KCTD7: variants seen among roughly 807,000 people sequenced by gnomAD.
The protein encoded by KCTD7 is BTB/POZ domain-containing protein KCTD7.
A neutral mutation model predicts 27.0 loss-of-function variants in KCTD7; 15 were observed. That is an observed-to-expected ratio of 0.56 (90% confidence interval 0.37 to 0.86). The LOEUF (loss-of-function observed/expected upper bound fraction) is 0.86, where lower values mean the gene tolerates loss of function less well. KCTD7 is among the 40% of genes least tolerant of loss of function. The pLI, the probability that KCTD7 is intolerant of heterozygous loss-of-function variation, is 0.00. For synonymous variants in KCTD7, 159 were observed against 162.7 expected (o/e 0.98, Z 0.17); for missense variants, 299 against 398.9 (o/e 0.75, Z 2.13).
intron 1 of KCTD7, 44 bp from the exon 2 acceptor site, chr7:66,633,231 C>A: frequency 6.2e-7 from 1 of 1,607,166 alleles, no homozygotes. Flanking sequence ...CCCCAGCTCT[C>A]ATTCCCCGTT....
intron 2 of KCTD7, among the ~76,000 whole-genome samples, chr7:66,634,140 A>ATATATG (rs1786524886): frequency 7.0e-6 from 1 of 141,912 alleles, no homozygotes; most frequent in African/African-American, 2.6e-5. Flanking sequence ...ATATATATGT[A>ATATATG]TATATATGAG....
rs1189295007 is a variant in KCTD7 at position 66,641,206 on chromosome 7, G to C, written c.*1974G>C. The C allele has an allele frequency of 1.0e-6, 1 of 985,288 alleles. No homozygotes were observed. The highest frequency in any genetic ancestry group is 1.7e-5 in the African/African-American group (1 of 57,214). 61.0% of individuals were successfully genotyped at this position (985,288 alleles called of 1,614,324 possible). A position where few individuals can be genotyped will look rare whatever the true frequency, so the allele number is the denominator to read the frequency against. On this transcript the variant is annotated 3_prime_UTR_variant, in exon 4 of 4. Transcript: ENST00000639828. ...TCTGGAGCTGATGTCCCTGCTTGGA[G>C]GTTAGCCCCAAAACATGGCTCTTGT...
chr7:66,628,952 C>T lies in KCTD7; in HGVS notation c.-113C>T, dbSNP rs758648043. 3.8e-5 allele frequency: 43 copies of T among 1,136,560 alleles called. No homozygotes were observed. Among genetic ancestry groups the T allele is most frequent in the Non-Finnish European group, 4.9e-5 (42 of 860,118 alleles). 70.4% of individuals were successfully genotyped at this position (1,136,560 alleles called of 1,614,324 possible). ...CCTGCGCACTGCCTCTCGCCCCCCTCCGGCCAGCCCGCAGCCGGCCGCGTC... is the reference window on the plus strand; with the variant it reads ...CCTGCGCACTGCCTCTCGCCCCCCTTCGGCCAGCCCGCAGCCGGCCGCGTC... On this transcript the variant is annotated 5_prime_UTR_variant, in exon 1 of 4. Coordinates refer to ENST00000639828, the MANE Select transcript of KCTD7 (RefSeq NM_153033.5).
At chr7:66,638,184 A>G (rs1402857421) in intron 2 of KCTD7, 69 bp from the exon 3 acceptor site, 16 of 1,541,788 alleles carry the variant, frequency 1.0e-5, no homozygotes, top group Non-Finnish European at 1.2e-5. Context: ...ATTTTGTCCA[A>G]TGCACACTGT....
Position 66,640,174 on chromosome 7 carries a change from T to G in KCTD7, c.*942T>G. ...GGGGACCCCCTCTCTTTAAACCCTG[T>G]TCCTCTGTCCTGGTAACATTCTCCT... On this transcript the variant is annotated 3_prime_UTR_variant, in exon 4 of 4. Coordinates refer to ENST00000639828, the MANE Select transcript of KCTD7 (RefSeq NM_153033.5). The G allele has an allele frequency of 7.1e-7, 1 of 1,412,436 alleles. No homozygotes were observed. The allele number at this position is 1,412,436 out of a possible 1,614,324, so 87.5% of individuals were successfully genotyped here.
intron 1 of KCTD7, among the ~76,000 whole-genome samples, chr7:66,632,019 G>A (rs1680714008): frequency 6.6e-6 from 1 of 152,160 alleles, no homozygotes; most frequent in Non-Finnish European, 1.5e-5. Flanking sequence ...CTATTATAGA[G>A]GAGAATATGA....
In KCTD7 at chr7:66,642,530, G is replaced by C; in HGVS notation, c.*3298G>C. 1.0e-6 allele frequency: 1 copy of C among 985,406 alleles called. No individual in the cohort carries two copies. The allele number at this position is 985,406 out of a possible 1,614,324, so 61.0% of individuals were successfully genotyped here. A position where few individuals can be genotyped will look rare whatever the true frequency, so the allele number is the denominator to read the frequency against. ...GCTCTTGAACAGGTTAAAGCAAACA[G>C]CAATAACAAAACAAAAACTACTGAT... is the stretch of plus-strand genomic sequence containing the variant. On this transcript the variant is annotated 3_prime_UTR_variant, in exon 4 of 4. Coordinates refer to ENST00000639828, the MANE Select transcript of KCTD7 (RefSeq NM_153033.5).
chr7:66,636,582 G>A (rs1786591890), intron 2 of KCTD7, among the ~76,000 whole-genome samples: 1 of 151,658 alleles, frequency 6.6e-6, no homozygotes, highest in Non-Finnish European at 1.5e-5. Flanking sequence ...ACTGTCTTCC[G>A]CACGTACGGG....
intron 2 of KCTD7, among the ~76,000 whole-genome samples, chr7:66,637,498 C>T (rs1040894505): frequency 6.6e-6 from 1 of 152,104 alleles, no homozygotes; most frequent in African/African-American, 2.4e-5. Context: ...ACACCATATT[C>T]ATGCAAGGGT....
At chr7:66,632,930 G>T (rs769107346) in intron 1 of KCTD7, among the ~76,000 whole-genome samples, 1 of 151,442 alleles carries the variant, frequency 6.6e-6, no homozygotes. Flanking sequence ...GGTGGAGGGC[G>T]CCTGTAGTCC....
At position 66,637,820 on chromosome 7, in the gene KCTD7, T is replaced by TA. The variant is rs562795834; in HGVS notation, c.315-426dup. ...ATGGTTGGATGGGTATATTCATACT[T>TA]AAAAAAACAACTGAACTGTACAGTT... On this transcript the variant is annotated intron_variant, in intron 2 of 3. Coordinates refer to ENST00000639828, the MANE Select transcript of KCTD7 (RefSeq NM_153033.5). Among the ~76,000 whole-genome samples the TA allele has an allele frequency of 2.5e-3, 383 of 152,286 alleles. 4 individuals are homozygous for TA. The highest frequency in any genetic ancestry group is 3.9e-3 in the Non-Finnish European group (265 of 68,022).
Position 66,639,330 on chromosome 7 carries a change from A to G in KCTD7, c.*98A>G. The G allele has an allele frequency of 6.3e-7, 1 of 1,589,858 alleles. No individual in the cohort carries two copies. Among genetic ancestry groups the G allele is most frequent in the Non-Finnish European group, 8.5e-7 (1 of 1,175,386 alleles). ...TGAAGGGGCTGCTGACTGCCCCAGA[A>G]TCTGCCGAGGTGAGAACAGCATCCT... On this transcript the variant is annotated 3_prime_UTR_variant, in exon 4 of 4. Transcript: ENST00000639828.
rs1349683994 is a variant in KCTD7, at chr7:66,639,911, G to A, written c.*679G>A. 4.8e-6 allele frequency: 6 copies of A among 1,248,284 alleles called. No homozygotes were observed. The highest frequency in any genetic ancestry group is 6.0e-6 in the Non-Finnish European group (6 of 998,186). The allele number at this position is 1,248,284 out of a possible 1,614,324, so 77.3% of individuals were successfully genotyped here. ...AGAAAACCACAATGTTTACAGCCCT[G>A]TCTTAGGGCCGCGGCTTCTCTTATC... On this transcript the variant is annotated 3_prime_UTR_variant, in exon 4 of 4. Coordinates refer to ENST00000639828, the MANE Select transcript of KCTD7 (RefSeq NM_153033.5).
chr7:66,642,165 T>A lies in KCTD7; in HGVS notation c.*2933T>A. 1 of 985,368 alleles carries A rather than the reference T, an allele frequency of 1.0e-6. No individual in the cohort carries two copies. Among genetic ancestry groups the A allele is most frequent in the East Asian group, 1.1e-4 (1 of 8,814 alleles). 61.0% of individuals were successfully genotyped at this position (985,368 alleles called of 1,614,324 possible). On this transcript the variant is annotated 3_prime_UTR_variant, in exon 4 of 4. Coordinates refer to ENST00000639828, the MANE Select transcript of KCTD7 (RefSeq NM_153033.5). ...TAATGTTATAGCAACAAAAAAAGAC[T>A]GAAGCAAAACCACACTGAAATGCAT...
Position 66,639,023 on chromosome 7 carries a change from C to G in KCTD7, c.661C>G (p.Leu221Val). ...RFERSESDGQ[L>V]FEHHCEVDVS... ...TGAGCGGAGTGAGAGTGACGGGCAG[C>G]TTTTTGAGCACCACTGTGAAGTGGA... The change falls in exon 4 of 4, where the codon CTT becomes GTT. Residue 221 changes from leucine (L) to valine (V), a missense_variant. Physicochemically the swap from Leu to Val is conservative, Grantham distance 32. Transcript: ENST00000639828. The G allele has an allele frequency of 3.1e-6, 5 of 1,614,174 alleles. No individual in the cohort carries two copies. The highest frequency in any genetic ancestry group is 4.2e-6 in the Non-Finnish European group (5 of 1,180,028).
Position 66,633,307 on chromosome 7 carries a change from G to A in KCTD7, c.177G>A (p.Gly59=). ...FPEVVPLNIG[G]AHFTTRLSTL... ...AGGTTGTTCCCCTTAACATCGGAGG[G>A]GCTCACTTCACTACACGCCTGTCCA... Residue 59 remains glycine (G), a synonymous_variant, in exon 2 of 4, where the codon GGG becomes GGA. Coordinates refer to ENST00000639828, the MANE Select transcript of KCTD7 (RefSeq NM_153033.5). 6.2e-7 allele frequency: 1 copy of A among 1,613,794 alleles called. No homozygotes were observed.
Position 66,633,451 on chromosome 7 carries a change from C to A in KCTD7, c.314+7C>A. ...GAGATGGCACACACTTTGGGTATGT[C>A]TCTCCCTCTACAATCAACTTTGTAG... On this transcript the variant is annotated splice_region_variant and intron_variant, in intron 2 of 3. Coordinates refer to ENST00000639828, the MANE Select transcript of KCTD7 (RefSeq NM_153033.5). The A allele has an allele frequency of 1.2e-6, 2 of 1,614,044 alleles. No individual in the cohort carries two copies. The highest frequency in any genetic ancestry group is 1.7e-6 in the Non-Finnish European group (2 of 1,179,932).
chr7:66,633,615 A>C (rs947473989), intron 2 of KCTD7, among the ~76,000 whole-genome samples, 171 bp downstream of exon 2: 1 of 150,578 alleles, frequency 6.6e-6, no homozygotes, highest in African/African-American at 2.4e-5. Context: ...TTTTTTGCCA[A>C]AGGAGACAAA....
chr7:66,637,569 A>T (rs926814711), intron 2 of KCTD7, among the ~76,000 whole-genome samples: 3 of 152,188 alleles, frequency 2.0e-5, no homozygotes, highest in Admixed American at 6.6e-5. Context: ...GTTTGTTTTT[A>T]TTATTTATTT....
Sources: gnomAD v4.1 joint callset for allele counts (sites outside exome capture counted in the v4.1 genomes callset) on GRCh38, gnomAD v4.1.1 for gene constraint, MANE v1.5 for transcripts, NCBI Gene and HGNC (gene_info 2026-07-23, HGNC 2026-07-21) for gene names.